The following TMEM131 variants were observed in gnomAD, a reference collection of about 807,000 sequenced individuals.
TMEM131 encodes transmembrane protein 131.
Under a neutral mutation model 211.6 loss-of-function variants are expected in TMEM131, and 66 were observed. That is an observed-to-expected ratio of 0.31 (90% confidence interval 0.26 to 0.38). TMEM131 has a LOEUF of 0.38. Among genes scored for constraint, TMEM131 ranks in the 10% least tolerant of loss-of-function variants. The probability of loss-of-function intolerance (pLI) is 1.00; values close to 1 mark genes in which losing one functional copy is unlikely to be tolerated. For synonymous variants in TMEM131, 844 were observed against 841.3 expected (o/e 1.00, Z -0.06); for missense variants, 2,036 against 2,299.3 (o/e 0.89, Z 2.34).
chr2:97,932,861 A>C (rs1165854388), intron 1 of TMEM131, among the ~76,000 whole-genome samples: 1 of 152,226 alleles, frequency 6.6e-6, no homozygotes, highest in African/African-American at 2.4e-5. Flanking sequence ...CTGTTAAAAC[A>C]AAGTATTTAA....
chr2:97,845,597 G>A (rs1051340501), intron 5 of TMEM131, among the ~76,000 whole-genome samples: 2 of 152,132 alleles, frequency 1.3e-5, no homozygotes, highest in Non-Finnish European at 1.5e-5. Context: ...ATACTTGGAA[G>A]AAAATTTATA....
chr2:97,977,120 T>C (rs1175952238), intron 1 of TMEM131, among the ~76,000 whole-genome samples: 1 of 152,194 alleles, frequency 6.6e-6, no homozygotes, highest in Non-Finnish European at 1.5e-5. Context: ...CAGAGATTTC[T>C]TAGATACGAT....
intron 4 of TMEM131, among the ~76,000 whole-genome samples, chr2:97,874,992 C>T (rs908513128): frequency 9.9e-5 from 15 of 152,124 alleles, no homozygotes; most frequent in Middle Eastern, 3.4e-3. Flanking sequence ...ATGCAAGGCA[C>T]ACAGGCTCAA....
chr2:97,845,213 A>G (rs1683367424), intron 5 of TMEM131, among the ~76,000 whole-genome samples: 1 of 152,118 alleles, frequency 6.6e-6, no homozygotes, highest in South Asian at 2.1e-4. Flanking sequence ...AGAAAAGACA[A>G]GCACCTCCAA....
chr2:97,762,265 T>C, intron 35 of TMEM131, 65 bp from the exon 36 acceptor site: 8 of 1,516,416 alleles, frequency 5.3e-6, no homozygotes, highest in South Asian at 1.2e-5. Flanking sequence ...CCAAATCACT[T>C]TGAATGTTCT....
chr2:97,936,883 T>C (rs1011808114), intron 1 of TMEM131, among the ~76,000 whole-genome samples: 1 of 152,050 alleles, frequency 6.6e-6, no homozygotes, highest in Non-Finnish European at 1.5e-5. Flanking sequence ...TTAAATATAT[T>C]CAAAGAACTA....
chr2:97,792,276 G>A, intron 31 of TMEM131, 110 bp downstream of exon 31: 1 of 886,490 alleles, frequency 1.1e-6, no homozygotes, highest in Non-Finnish European at 1.6e-6. Context: ...CTGAGCCAGA[G>A]GAACCTACTG....
chr2:97,977,008 T>C (rs1355707378), intron 1 of TMEM131, among the ~76,000 whole-genome samples: 1 of 146,362 alleles, frequency 6.8e-6, no homozygotes, highest in Non-Finnish European at 1.5e-5. Context: ...ATATCATATG[T>C]AAAATGAACT....
chr2:97,908,984 C>T lies in TMEM131; in HGVS notation c.250-286G>A, dbSNP rs138575639. Among the ~76,000 whole-genome samples, 50 of 152,306 alleles carry T rather than the reference C, an allele frequency of 3.3e-4. No individual in the cohort carries two copies. The East Asian group carries it at 9.5e-3, about 29-fold the overall frequency. On this transcript the variant is annotated intron_variant, in intron 2 of 40. Transcript: ENST00000186436. ...CTTTGTGAGGCTGCTGTGCCTCGGA[C>T]TGTTCCCTGCTCACTAACTGCTTGC... is the stretch of plus-strand genomic sequence containing the variant.
At chr2:97,911,710 G>C in intron 2 of TMEM131, 1 of 952,720 alleles carries the variant, frequency 1.0e-6, no homozygotes, top group Non-Finnish European at 1.2e-6. Context: ...AATAAATATT[G>C]TTTTTGAAGT....
In TMEM131 at chr2:97,792,901, C is replaced by T. The variant is rs370318155; in HGVS notation, c.3629G>A (p.Ser1210Asn). ...GACCGATGGGCCACACTGCTTATGACTCCCGGCACTGGGTCGGGATGATGA... is the reference window on the plus strand; with the variant it reads ...GACCGATGGGCCACACTGCTTATGATTCCCGGCACTGGGTCGGGATGATGA... The part of the protein sequence containing the change: ...GGSSSRPSAG[S>N]HKQCGPSVHP... The change falls in exon 31 of 41, where the codon AGT becomes AAT. Residue 1210 changes from serine (S) to asparagine (N), a missense_variant. Coordinates refer to ENST00000186436, the MANE Select transcript of TMEM131 (RefSeq NM_015348.2). 1.7e-5 allele frequency: 28 copies of T among 1,612,898 alleles called. No individual in the cohort carries two copies. In the African/African-American group the frequency reaches 2.9e-4, roughly 17 times the overall value.
intron 4 of TMEM131, among the ~76,000 whole-genome samples, chr2:97,865,374 A>G (rs1051939879): frequency 5.9e-5 from 9 of 152,120 alleles, no homozygotes; most frequent in African/African-American, 2.2e-4. Flanking sequence ...TGTAGGGGGA[A>G]TTTTTTCATT....
chr2:97,983,264 T>C (rs1445659766), intron 1 of TMEM131, among the ~76,000 whole-genome samples: 1 of 152,212 alleles, frequency 6.6e-6, no homozygotes, highest in African/African-American at 2.4e-5. Context: ...ACTGCTGTAG[T>C]GACAGTCTCA....
rs540928683 is a variant in TMEM131 at position 97,757,857 on chromosome 2, G to A, written c.5368-474C>T. 2.5e-4 allele frequency among the ~76,000 whole-genome samples: 38 copies of A among 152,340 alleles called. No individual in the cohort carries two copies. In the East Asian group the frequency reaches 7.3e-3, roughly 29 times the overall value. Reference sequence around the variant, plus strand: ...TCAGAGCCTCAAATAGTTACTATCTGACTCTTTATAGAAAGTTTGCTGACT... The same window carrying A: ...TCAGAGCCTCAAATAGTTACTATCTAACTCTTTATAGAAAGTTTGCTGACT... On this transcript the variant is annotated intron_variant, in intron 40 of 40. Coordinates refer to ENST00000186436, the MANE Select transcript of TMEM131 (RefSeq NM_015348.2).
chr2:97,920,608 AAT>A (rs1676700039), intron 2 of TMEM131, among the ~76,000 whole-genome samples: 1 of 152,210 alleles, frequency 6.6e-6, no homozygotes, highest in Non-Finnish European at 1.5e-5. Context: ...ATACACAGCA[AAT>A]ATATTAAAAG....
At chr2:97,934,993 G>GA (rs61587052) in intron 1 of TMEM131, among the ~76,000 whole-genome samples, 46,541 of 148,838 alleles carry the variant, frequency 0.31, 8,386 homozygotes, top group Non-Finnish European at 0.39. Flanking sequence ...GCACAATCCA[G>GA]AAAAAAAAAA....
chr2:97,930,459 TA>T (rs1220112034), intron 1 of TMEM131, among the ~76,000 whole-genome samples: 2 of 151,922 alleles, frequency 1.3e-5, no homozygotes, highest in East Asian at 1.9e-4. Flanking sequence ...TGAGTTATGT[TA>T]AAAATATGAA....
chr2:97,819,868 G>A (rs1052222010), intron 11 of TMEM131, among the ~76,000 whole-genome samples: 14 of 152,278 alleles, frequency 9.2e-5, no homozygotes, highest in African/African-American at 2.4e-4. Context: ...TTTTCCGCCC[G>A]TTTATAAAGG....
chr2:97,910,265 T>C (rs1196330536), intron 2 of TMEM131, among the ~76,000 whole-genome samples: 1 of 152,180 alleles, frequency 6.6e-6, no homozygotes, highest in Non-Finnish European at 1.5e-5. Flanking sequence ...CTGGAACCTT[T>C]GTGCACTGTT....
Sources: allele counts gnomAD v4.1 joint callset (sites outside exome capture counted in the v4.1 genomes callset), GRCh38; gene constraint gnomAD v4.1.1; transcripts MANE v1.5; gene names NCBI Gene and HGNC (gene_info 2026-07-23, HGNC 2026-07-21).